Variants in URGCP observed in about 807,000 individuals in gnomAD.
URGCP encodes up-regulator of cell proliferation.
URGCP carries 13 observed loss-of-function variants against 24.6 expected under a neutral mutation model. The observed-to-expected ratio is 0.53, with a 90% CI of 0.34 to 0.84. The LOEUF is 0.84. URGCP is among the 40% of genes least tolerant of loss of function. The pLI, the probability that URGCP is intolerant of heterozygous loss-of-function variation, is 0.01. For synonymous variants in URGCP, 444 were observed against 487.2 expected (o/e 0.91, Z 1.17); for missense variants, 899 against 1,194.3 (o/e 0.75, Z 3.64).
intron 1 of URGCP, chr7:43,906,093 G>A (rs1023591985): frequency 1.3e-5 from 2 of 152,130 alleles, no homozygotes; most frequent in African/African-American, 4.8e-5. Context: ...TCAACGACGC[G>A]GCAAACAAGC....
At position 43,876,516 on chromosome 7, in the gene URGCP, GGA is replaced by G. The variant is rs2095844550; in HGVS notation, c.*149_*150del. The stretch of plus-strand genomic sequence containing the variant: ...TCACTTCCTCTTTTAACACTGTTGA[GGA>G]GACTCCAAACCCTGTCTTTTCCTCG... On this transcript the variant is annotated 3_prime_UTR_variant, in exon 6 of 6. Transcript: ENST00000453200. The G allele has an allele frequency of 1.3e-6, 1 of 763,242 alleles. No homozygotes were observed. Among genetic ancestry groups the G allele is most frequent in the Admixed American group, 2.9e-5 (1 of 33,944 alleles). The allele number at this position is 763,242 out of a possible 1,614,324, so 47.3% of individuals were successfully genotyped here. A position where few individuals can be genotyped will look rare whatever the true frequency, so the allele number is the denominator to read the frequency against.
intron 1 of URGCP, among the ~76,000 whole-genome samples, chr7:43,912,315 T>C (rs1482298090): frequency 1.3e-5 from 2 of 152,152 alleles, no homozygotes; most frequent in African/African-American, 4.8e-5. Context: ...CTGGCCAACA[T>C]GGTGAAACCC....
intron 1 of URGCP, among the ~76,000 whole-genome samples, chr7:43,891,437 TA>T (rs1450643392): frequency 6.6e-6 from 1 of 152,068 alleles, no homozygotes; most frequent in African/African-American, 2.4e-5. Context: ...AGAAAGCACA[TA>T]AGCTGTAAGT....
chr7:43,882,027 AAG>A (rs1238889461), intron 3 of URGCP, 70 bp from the exon 4 acceptor site: 26 of 1,607,518 alleles, frequency 1.6e-5, no homozygotes, highest in Admixed American at 1.0e-4. Context: ...CAAAAATTTC[AAG>A]TGCTCATGCC....
At position 43,925,714 on chromosome 7, in the gene URGCP, GGT is replaced by G. The variant is rs368567102; in HGVS notation, c.-116+416_-116+417del. On this transcript the variant is annotated intron_variant, in intron 1 of 5. Coordinates refer to the URGCP transcript ENST00000426198. ...GGAGTTTCAGCATGTTGGCCAGGCT[GGT>G]CTCGAACTCCTGACCTCAAGTGATC... is the stretch of plus-strand genomic sequence containing the variant. Among the ~76,000 whole-genome samples the G allele has an allele frequency of 9.8e-3, 1,478 of 150,706 alleles. 27 individuals are homozygous for G. The highest frequency in any genetic ancestry group is 0.035 in the African/African-American group (1,425 of 41,000).
intron 1 of URGCP, among the ~76,000 whole-genome samples, chr7:43,905,224 G>C (rs71540552): frequency 0.011 from 1,664 of 151,336 alleles, 13 homozygotes; most frequent in Non-Finnish European, 0.017. Context: ...GCTTCGTTCA[G>C]GGCAGCCCCA....
rs755662666 is a variant in URGCP at position 43,877,266 on chromosome 7, T to C, written c.2197A>G (p.Ile733Val). The C allele has an allele frequency of 1.9e-6, 3 of 1,614,080 alleles. No individual in the cohort carries two copies. The highest frequency in any genetic ancestry group is 2.5e-6 in the Non-Finnish European group (3 of 1,180,022). ...CGPRGAFMQL[I>V]TVAEGFSQDL... ...TGGCTGAAGCCCTCAGCCACTGTGA[T>C]GAGCTGCATGAAGGCCCCTCGAGGA... Residue 733 changes from isoleucine (I) to valine (V), a missense_variant, in exon 6 of 6, where the codon ATC (isoleucine) becomes GTC (valine). Transcript: ENST00000453200.
At chr7:43,918,262 CAA>C (rs757829729) in intron 1 of URGCP, among the ~76,000 whole-genome samples, 8 of 55,214 alleles carry the variant, frequency 1.4e-4, no homozygotes, top group Non-Finnish European at 1.6e-4. Flanking sequence ...CAATAGACCT[CAA>C]AAAAAAAAAA....
intron 1 of URGCP, among the ~76,000 whole-genome samples, chr7:43,897,096 G>C (rs2095879843): frequency 6.6e-6 from 1 of 152,086 alleles, no homozygotes; most frequent in African/African-American, 2.4e-5. Context: ...CCAGCTACTG[G>C]GGAGGCTGAG....
chr7:43,925,815 T>TTTTTTTC (rs1554293880), intron 1 of URGCP, among the ~76,000 whole-genome samples: 2 of 144,836 alleles, frequency 1.4e-5, no homozygotes, highest in African/African-American at 5.0e-5. Flanking sequence ...TTTTTTTTTT[T>TTTTTTTC]CAAAAAAATG....
At chr7:43,919,444 T>G (rs1262989792) in intron 1 of URGCP, 4 of 939,226 alleles carry the variant, frequency 4.3e-6, no homozygotes, top group Non-Finnish European at 7.1e-6. Context: ...CCCAGCTACA[T>G]GGACAATGAC....
Position 43,876,767 on chromosome 7 carries a change from A to G in URGCP, c.2696T>C (p.Ile899Thr), listed in dbSNP as rs1318562921. The G allele has an allele frequency of 4.3e-6, 7 of 1,614,220 alleles. No individual in the cohort carries two copies. The South Asian group carries it at 7.7e-5, about 18-fold the overall frequency. ...AAVSLAYSEA[I>T]FELKRCLLEN... ...GAGTAGGCATCTCTTCAATTCAAATATGGCTTCACTGTAGGCCAAGCTCAC... is the reference window on the plus strand; with the variant it reads ...GAGTAGGCATCTCTTCAATTCAAATGTGGCTTCACTGTAGGCCAAGCTCAC... Residue 899 changes from isoleucine (I) to threonine (T), a missense_variant, in exon 6 of 6, where the codon ATA becomes ACA. Coordinates refer to ENST00000453200, the MANE Select transcript of URGCP (RefSeq NM_001077663.3).
chr7:43,916,711 AC>A (rs1352266678), intron 1 of URGCP, among the ~76,000 whole-genome samples: 1,042 of 39,228 alleles, frequency 0.027, 19 homozygotes, highest in African/African-American at 0.075. Context: ...CTCCCTACCC[AC>A]CCCCCCCCCC....
At chr7:43,925,792 G>A (rs1467883338) in intron 1 of URGCP, among the ~76,000 whole-genome samples, 2 of 105,542 alleles carry the variant, frequency 1.9e-5, no homozygotes, top group Admixed American at 2.0e-4. Flanking sequence ...GAGCCACCTC[G>A]TCTGGCTTTT....
At chr7:43,923,605 G>C (rs896627034) in intron 1 of URGCP, among the ~76,000 whole-genome samples, 2 of 152,036 alleles carry the variant, frequency 1.3e-5, no homozygotes, top group Admixed American at 1.3e-4. Flanking sequence ...TTTAAAATGT[G>C]CTTATTGTCC....
intron 1 of URGCP, 193 bp downstream of exon 1, chr7:43,906,368 CA>C: frequency 1.1e-5 from 4 of 350,126 alleles, no homozygotes; most frequent in Non-Finnish European, 1.3e-5. Flanking sequence ...GCCCGCCCCC[CA>C]CGCCCGCGCG....
chr7:43,913,146 C>T (rs2095911923), intron 1 of URGCP, among the ~76,000 whole-genome samples: 1 of 152,050 alleles, frequency 6.6e-6, no homozygotes, highest in African/African-American at 2.4e-5. Flanking sequence ...CCATCCCGCC[C>T]AGCCTCTCCC....
At chr7:43,926,580 C>A (rs751298381), upstream of URGCP, 2 of 1,562,662 alleles carry the variant, frequency 1.3e-6, no homozygotes, top group East Asian at 5.2e-5. Flanking sequence ...CACCCTCCAA[C>A]TCTTTGGGTG....
chr7:43,879,071 T>C lies in URGCP; in HGVS notation c.392A>G (p.Asn131Ser), dbSNP rs761915542. Residue 131 changes from asparagine to serine, a missense_variant, in exon 6 of 6, where the codon AAT (asparagine) becomes AGT (serine). Physicochemically the swap from Asn to Ser is conservative, Grantham distance 46. Transcript: ENST00000453200. ...GAGCACGTCCAGCACCATAGTGGTA[T>C]TCCTGGCATCAGCATTGAGGGCCTG... Reference protein sequence around the residue: ...KLQALNADARNTTMVLDVLPD... With the variant: ...KLQALNADARSTTMVLDVLPD... 75 of 1,614,096 alleles carry C rather than the reference T, an allele frequency of 4.6e-5. No individual in the cohort carries two copies. Among genetic ancestry groups the C allele is most frequent in the Non-Finnish European group, 1.1e-5 (13 of 1,180,054 alleles).
Sources: allele counts gnomAD v4.1 joint callset (sites outside exome capture counted in the v4.1 genomes callset), GRCh38; gene constraint gnomAD v4.1.1; transcripts MANE v1.5; gene names NCBI Gene and HGNC (gene_info 2026-07-23, HGNC 2026-07-21).